TTK: variants seen among roughly 807,000 people sequenced by gnomAD.
TTK encodes the protein dual specificity protein kinase TTK.
In TTK, 59 loss-of-function variants were observed where a neutral mutation model predicts 117.3. The observed-to-expected ratio is 0.50, with a 90% CI of 0.41 to 0.62. TTK has a LOEUF of 0.62. Among genes scored for constraint, TTK ranks in the 20% least tolerant of loss-of-function variants. The pLI is 0.00. For synonymous variants in TTK, 302 were observed against 325.0 expected (o/e 0.93, Z 0.76); for missense variants, 921 against 989.4 (o/e 0.93, Z 0.93).
At chr6:80,036,132 A>G (rs1767900737) in intron 16 of TTK, among the ~76,000 whole-genome samples, 1 of 152,048 alleles carries the variant, frequency 6.6e-6, no homozygotes, top group African/African-American at 2.4e-5. Context: ...TTCTGAAGCC[A>G]GACTGTCTGG....
chr6:80,008,389 T>G lies in TTK; in HGVS notation c.366T>G (p.Ile122Met). 2 of 1,609,788 alleles carry G rather than the reference T, an allele frequency of 1.2e-6. No individual in the cohort carries two copies. The highest frequency in any genetic ancestry group is 1.7e-6 in the Non-Finnish European group (2 of 1,178,506). The change falls in exon 4 of 22, where the codon ATT becomes ATG. Residue 122 changes from isoleucine (I) to methionine (M), a missense_variant. Coordinates refer to ENST00000369798, the MANE Select transcript of TTK (RefSeq NM_003318.5). ...TGACTCAAATCTTTTATTACAGTATTCAAGAGCCAGATGATGCACGTGACT... is the reference window on the plus strand; with the variant it reads ...TGACTCAAATCTTTTATTACAGTATGCAAGAGCCAGATGATGCACGTGACT... Reference protein sequence around the residue: ...IQVRFAELKAIQEPDDARDYF... With the variant: ...IQVRFAELKAMQEPDDARDYF...
At chr6:80,005,475 C>A (rs240229) in intron 1 of TTK, among the ~76,000 whole-genome samples, 93,984 of 152,036 alleles carry the variant, frequency 0.62, 29,493 homozygotes, top group Admixed American at 0.73. Flanking sequence ...CAAACGAATT[C>A]TTTATGTCTA....
chr6:80,026,527 G>GC lies in TTK; in HGVS notation c.1394+17dup, dbSNP rs774135280. The GC allele has an allele frequency of 6.2e-7, 1 of 1,612,496 alleles. No individual in the cohort carries two copies. On this transcript the variant is annotated intron_variant, in intron 12 of 21. Transcript: ENST00000369798. ...ATTACATGAGCTGGTAATTACTTTG[G>GC]CCCCTTGCTTGATTGGCAGGGTGGT...
At chr6:80,005,372 C>T (rs1430867304) in intron 1 of TTK, among the ~76,000 whole-genome samples, 1 of 152,172 alleles carries the variant, frequency 6.6e-6, no homozygotes, top group African/African-American at 2.4e-5. Flanking sequence ...ATCAGTAAAG[C>T]CCCATCATGT....
rs772451937 is a variant in TTK at position 80,010,858 on chromosome 6, C to A, written c.514C>A (p.Arg172Ser). Residue 172 changes from arginine to serine, a missense_variant, in exon 5 of 22, where the codon CGT becomes AGT. Coordinates refer to ENST00000369798, the MANE Select transcript of TTK (RefSeq NM_003318.5). ...SKQLLQKAVE[R>S]GAVPLEMLEI... ...ACAACTTCTTCAAAAAGCTGTAGAA[C>A]GTGGAGCAGTACCACTAGAAATGCT... The A allele has an allele frequency of 1.2e-6, 2 of 1,611,326 alleles. No homozygotes were observed. The highest frequency in any genetic ancestry group is 1.3e-5 in the African/African-American group (1 of 74,632).
chr6:80,013,743 T>A (rs984793441), intron 9 of TTK, among the ~76,000 whole-genome samples: 3 of 151,874 alleles, frequency 2.0e-5, no homozygotes, highest in African/African-American at 4.8e-5. Context: ...TAAAAAAAAA[T>A]GAGAGAGTAA....
chr6:80,020,420 T>C (rs1767427979), intron 10 of TTK, among the ~76,000 whole-genome samples: 3 of 152,164 alleles, frequency 2.0e-5, no homozygotes, highest in Admixed American at 1.3e-4. Context: ...AATCTCCAAG[T>C]GAGATAAAAC....
chr6:80,028,057 G>A lies in TTK; in HGVS notation c.1521+46G>A, dbSNP rs139292237. The A allele has an allele frequency of 1.7e-4, 254 of 1,477,328 alleles. 2 individuals carry two copies. The East Asian group carries it at 4.8e-3, about 28-fold the overall frequency. 91.5% of individuals were successfully genotyped at this position (1,477,328 alleles called of 1,614,324 possible). On this transcript the variant is annotated intron_variant, in intron 13 of 21. Transcript: ENST00000369798. ...GATGGTATATGTTAAGATACAGTCC[G>A]TTTTACAGCTTTTATTTTTATAGCA...
At chr6:80,038,662 C>T (rs961953791) in intron 18 of TTK, among the ~76,000 whole-genome samples, 2 of 152,088 alleles carry the variant, frequency 1.3e-5, no homozygotes, top group African/African-American at 2.4e-5. Flanking sequence ...TTTTTATTTA[C>T]TAAATTTTAT....
Position 80,011,982 on chromosome 6 carries a change from T to C in TTK, c.896+2T>C, listed in dbSNP as rs982477743. ...AGTTGTACCTTGTTTTATGAAAAGG[T>C]ATGTTGAGTTTTAATTTTTAAAATT... On this transcript the variant is annotated splice_donor_variant, in intron 8 of 21. Transcript: ENST00000369798. LOFTEE classifies it high-confidence loss of function. 5 of 1,598,986 alleles carry C rather than the reference T, an allele frequency of 3.1e-6. No individual in the cohort carries two copies. The highest frequency in any genetic ancestry group is 4.3e-6 in the Non-Finnish European group (5 of 1,175,972).
At chr6:80,004,753 C>G (rs1405259144) in intron 1 of TTK, 40 bp downstream of exon 1, 1 of 151,982 alleles carries the variant, frequency 6.6e-6, no homozygotes, top group East Asian at 1.9e-4. Flanking sequence ...CACTGAGGAA[C>G]AGCCGCAGCC....
At chr6:80,005,763 T>G in intron 1 of TTK, 79 bp from the exon 2 acceptor site, 1 of 1,520,820 alleles carries the variant, frequency 6.6e-7, no homozygotes, top group Non-Finnish European at 8.9e-7. Context: ...TTTAGTCGTC[T>G]GGGTTCTAAA....
At chr6:80,036,680 A>G in intron 17 of TTK, 81 bp downstream of exon 17, 2 of 1,392,484 alleles carry the variant, frequency 1.4e-6, no homozygotes, top group African/African-American at 1.5e-5. Flanking sequence ...AATGAGTGTT[A>G]TATTTTTAAT....
In TTK at chr6:80,013,293, C is replaced by T. The variant is rs772097975; in HGVS notation, c.911C>T (p.Ser304Leu). The T allele has an allele frequency of 6.3e-7, 1 of 1,597,812 alleles. No individual in the cohort carries two copies. The highest frequency in any genetic ancestry group is 1.7e-4 in the Middle Eastern group (1 of 5,966). The change falls in exon 9 of 22, where the codon TCA becomes TTA. Residue 304 changes from serine (S) to leucine (L), a missense_variant. Transcript: ENST00000369798. ...PCFMKRQTSR[S>L]ECRDLVVPGS... ...ACGGGTAAAAGACAAACCTCTAGAT[C>T]AGAATGCCGAGATTTGGTTGTGCCT...
chr6:80,015,335 T>C (rs239569), intron 10 of TTK, among the ~76,000 whole-genome samples: 93,952 of 151,990 alleles, frequency 0.62, 29,482 homozygotes, highest in Admixed American at 0.73. Context: ...CTTTGAATGC[T>C]ATTAGATTTT....
intron 3 of TTK, 147 bp from the exon 4 acceptor site, chr6:80,008,239 G>T: frequency 3.0e-6 from 3 of 1,011,554 alleles, no homozygotes; most frequent in South Asian, 3.5e-5. Context: ...TGCCTAAAAA[G>T]ATTTTTTTAA....
intron 10 of TTK, 85 bp downstream of exon 10, chr6:80,014,671 A>AT (rs1582092718): frequency 7.5e-7 from 1 of 1,330,766 alleles, no homozygotes; most frequent in East Asian, 2.4e-5. Flanking sequence ...CCACCTAAGA[A>AT]TTATGATGTG....
intron 12 of TTK, among the ~76,000 whole-genome samples, chr6:80,027,273 T>C (rs1004383634): frequency 6.6e-6 from 1 of 152,202 alleles, no homozygotes; most frequent in Non-Finnish European, 1.5e-5. Flanking sequence ...TTTTACTATA[T>C]ATTGCCTCAT....
intron 12 of TTK, among the ~76,000 whole-genome samples, chr6:80,027,390 T>A (rs1466302051): frequency 6.6e-6 from 1 of 152,192 alleles, no homozygotes; most frequent in Non-Finnish European, 1.5e-5. Context: ...TTTGTGGAGC[T>A]CTTTTGTGCC....
Sources: allele counts gnomAD v4.1 joint callset (sites outside exome capture counted in the v4.1 genomes callset), GRCh38; gene constraint gnomAD v4.1.1; transcripts MANE v1.5; gene names NCBI Gene and HGNC (gene_info 2026-07-23, HGNC 2026-07-21).